The following OSBPL8 variants were observed in gnomAD, a reference collection of about 807,000 sequenced individuals.
OSBPL8 encodes oxysterol-binding protein-related protein 8.
In OSBPL8, 59 loss-of-function variants were observed where a neutral mutation model predicts 125.5. The observed-to-expected ratio is 0.47, with a 90% CI of 0.38 to 0.58. The LOEUF (loss-of-function observed/expected upper bound fraction) is 0.58. Among genes scored for constraint, OSBPL8 ranks in the 20% least tolerant of loss-of-function variants. The probability of loss-of-function intolerance (pLI) is 0.00; values close to 1 mark genes in which losing one functional copy is unlikely to be tolerated. For synonymous variants in OSBPL8, 330 were observed against 338.9 expected (o/e 0.97, Z 0.29); for missense variants, 758 against 1,047.8 (o/e 0.72, Z 3.82).
chr12:76,396,320 C>T (rs889037595), intron 8 of OSBPL8, among the ~76,000 whole-genome samples: 1 of 152,036 alleles, frequency 6.6e-6, no homozygotes, highest in Non-Finnish European at 1.5e-5. Context: ...TTAAGCAATA[C>T]CCTCCCCGCC....
intron 7 of OSBPL8, among the ~76,000 whole-genome samples, chr12:76,398,098 G>A (rs1233384273): frequency 1.3e-5 from 2 of 152,152 alleles, no homozygotes; most frequent in Non-Finnish European, 2.9e-5. Context: ...TTAAATTTTA[G>A]TGGGAGACAG....
intron 5 of OSBPL8, among the ~76,000 whole-genome samples, chr12:76,405,862 C>G (rs553870344): frequency 6.6e-6 from 1 of 152,186 alleles, no homozygotes; most frequent in East Asian, 1.9e-4. Context: ...CTACTGCTTC[C>G]CTCTTTGTTA....
At chr12:76,453,392 G>C (rs1257015399) in intron 3 of OSBPL8, among the ~76,000 whole-genome samples, 1 of 152,142 alleles carries the variant, frequency 6.6e-6, no homozygotes, top group Non-Finnish European at 1.5e-5. Flanking sequence ...CTGATGCAGA[G>C]AGATAAATTG....
At chr12:76,535,093 T>A (rs1366440988) in intron 1 of OSBPL8, among the ~76,000 whole-genome samples, 1 of 151,878 alleles carries the variant, frequency 6.6e-6, no homozygotes, top group Non-Finnish European at 1.5e-5. Context: ...TCTTAAGATA[T>A]GCAAAAAATA....
At chr12:76,409,829 G>T (rs1954436741) in intron 5 of OSBPL8, among the ~76,000 whole-genome samples, 1 of 152,156 alleles carries the variant, frequency 6.6e-6, no homozygotes, top group African/African-American at 2.4e-5. Context: ...AAGCCCAACT[G>T]CTGAGAATAA....
At chr12:76,521,784 G>C (rs1409158381) in intron 1 of OSBPL8, among the ~76,000 whole-genome samples, 1 of 152,136 alleles carries the variant, frequency 6.6e-6, no homozygotes, top group Admixed American at 6.5e-5. Context: ...TGATCGCCAG[G>C]GGACAGGGGG....
At chr12:76,403,167 T>C (rs980384207) in intron 5 of OSBPL8, among the ~76,000 whole-genome samples, 2 of 152,198 alleles carry the variant, frequency 1.3e-5, no homozygotes, top group African/African-American at 4.8e-5. Context: ...GATGCACATA[T>C]TGCCCTGCTT....
At chr12:76,412,687 A>G (rs1868279073) in intron 4 of OSBPL8, among the ~76,000 whole-genome samples, 1 of 152,180 alleles carries the variant, frequency 6.6e-6, no homozygotes, top group Non-Finnish European at 1.5e-5. Context: ...ATTTTTTTCT[A>G]ATCTTTAAAA....
At chr12:76,356,152 T>C (rs1951975197) in intron 23 of OSBPL8, 131 bp from the exon 24 acceptor site, 1 of 159,590 alleles carries the variant, frequency 6.3e-6, no homozygotes, top group Non-Finnish European at 1.0e-5. Flanking sequence ...CATGGGGTGG[T>C]ATGTAGGGGT....
Position 76,401,259 on chromosome 12 carries a change from T to C in OSBPL8, c.367-1285A>G, listed in dbSNP as rs549669297. Among the ~76,000 whole-genome samples, 25 of 152,286 alleles carry C rather than the reference T, an allele frequency of 1.6e-4. No individual in the cohort carries two copies. In the South Asian group the frequency reaches 2.1e-3, roughly 13 times the overall value. On this transcript the variant is annotated intron_variant, in intron 6 of 23. Coordinates refer to ENST00000261183, the MANE Select transcript of OSBPL8 (RefSeq NM_020841.5). Reference sequence around the variant, plus strand: ...CAGACCTTTTCTAAGTAACAACCTATAGAAACATGTAGATGTTGTGTTCAG... The same window carrying C: ...CAGACCTTTTCTAAGTAACAACCTACAGAAACATGTAGATGTTGTGTTCAG...
intron 2 of OSBPL8, among the ~76,000 whole-genome samples, chr12:76,473,022 C>T (rs1035182017): frequency 1.6e-4 from 25 of 152,062 alleles, no homozygotes; most frequent in African/African-American, 5.8e-4. Context: ...TGCTTGGCAA[C>T]GGGCGTCTTT....
At chr12:76,462,370 C>T (rs1161032997) in intron 2 of OSBPL8, among the ~76,000 whole-genome samples, 1 of 152,128 alleles carries the variant, frequency 6.6e-6, no homozygotes, top group African/African-American at 2.4e-5. Flanking sequence ...TATCCTCAAG[C>T]ATGTCTGTGT....
intron 1 of OSBPL8, among the ~76,000 whole-genome samples, chr12:76,522,311 G>GA (rs374550582): frequency 1.7e-3 from 235 of 141,296 alleles, no homozygotes; most frequent in East Asian, 0.013. Context: ...TCCAAAAAAT[G>GA]AAAAAAAAAA....
intron 1 of OSBPL8, among the ~76,000 whole-genome samples, chr12:76,504,168 A>G (rs1226998468): frequency 3.3e-5 from 5 of 151,558 alleles, no homozygotes; most frequent in Non-Finnish European, 7.4e-5. Flanking sequence ...AACATCAGCA[A>G]TTTGGTGGGT....
chr12:76,554,189 T>G (rs1376779338), intron 1 of OSBPL8, among the ~76,000 whole-genome samples: 1 of 152,110 alleles, frequency 6.6e-6, no homozygotes, highest in East Asian at 1.9e-4. Flanking sequence ...TGCTTTACTC[T>G]AAGTATTTTT....
intron 4 of OSBPL8, among the ~76,000 whole-genome samples, chr12:76,435,318 T>C (rs1324146119): frequency 6.6e-6 from 1 of 152,162 alleles, no homozygotes; most frequent in Admixed American, 6.5e-5. Context: ...AAATACTGCA[T>C]GATCTCTCTT....
intron 1 of OSBPL8, among the ~76,000 whole-genome samples, chr12:76,493,219 G>A (rs1487358503): frequency 1.3e-5 from 2 of 152,182 alleles, no homozygotes; most frequent in Non-Finnish European, 2.9e-5. Flanking sequence ...ATAACATAAT[G>A]TGTGTGTAAG....
chr12:76,458,134 G>T (rs1448318824), intron 3 of OSBPL8, among the ~76,000 whole-genome samples: 1 of 151,914 alleles, frequency 6.6e-6, no homozygotes, highest in Non-Finnish European at 1.5e-5. Flanking sequence ...AAAAAATTTA[G>T]CTGGGCACAC....
chr12:76,487,021 ATTTTTTTTTTTTTTT>A (rs63178360), intron 2 of OSBPL8, among the ~76,000 whole-genome samples: 1 of 101,900 alleles, frequency 9.8e-6, no homozygotes, highest in Non-Finnish European at 1.9e-5. Flanking sequence ...TGCAATTTTC[ATTTTTTTTTTTTTTT>A]TTTTTTTTTT....
Sources: gnomAD v4.1 joint callset for allele counts (sites outside exome capture counted in the v4.1 genomes callset) on GRCh38, gnomAD v4.1.1 for gene constraint, MANE v1.5 for transcripts, NCBI Gene and HGNC (gene_info 2026-07-23, HGNC 2026-07-21) for gene names.